Variants in KIF15 observed in about 807,000 individuals in gnomAD.
KIF15 encodes kinesin-like protein KIF15.
Under a neutral mutation model 190.6 loss-of-function variants are expected in KIF15, and 140 were observed. The ratio of observed to expected loss-of-function variants is 0.73; its 90% CI spans 0.64 to 0.84. The LOEUF is 0.84. Among genes scored for constraint, KIF15 ranks in the 40% least tolerant of loss-of-function variants. The pLI is 0.00. For synonymous variants in KIF15, 528 were observed against 551.3 expected, an observed-to-expected ratio of 0.96 and a Z score of 0.59; for missense variants, 1,372 against 1,584.4, an observed-to-expected ratio of 0.87 and a Z score of 2.28.
chr3:44,822,725 ACTTCT>A (rs1326045792), intron 20 of KIF15, among the ~76,000 whole-genome samples: 5 of 151,506 alleles, frequency 3.3e-5, no homozygotes, highest in African/African-American at 7.3e-5. Context: ...TTTTCTCTAA[ACTTCT>A]CTTCTCGCTT....
At chr3:44,800,474 C>G (rs970653179) in intron 11 of KIF15, 37 bp downstream of exon 11, 2 of 1,596,308 alleles carry the variant, frequency 1.3e-6, no homozygotes, top group Non-Finnish European at 1.7e-6. Flanking sequence ...TTGGGGAAGA[C>G]TGTACAAATA....
chr3:44,802,458 C>T (rs72875744), intron 13 of KIF15, among the ~76,000 whole-genome samples: 1,931 of 152,160 alleles, frequency 0.013, 37 homozygotes, highest in African/African-American at 0.043. Context: ...TTTTGCACTT[C>T]GCCTTTTTCA....
chr3:44,811,751 T>C (rs1397411999), intron 17 of KIF15, among the ~76,000 whole-genome samples: 2 of 152,220 alleles, frequency 1.3e-5, no homozygotes, highest in African/African-American at 4.8e-5. Flanking sequence ...TTTTATGGTT[T>C]GTTAATTTTT....
chr3:44,865,257 C>A, intron 6 of KIF15: 1 of 1,578,000 alleles, frequency 6.3e-7, no homozygotes, highest in Non-Finnish European at 8.7e-7. Context: ...GGACTGTATC[C>A]TAGGGCGATC....
chr3:44,812,223 G>A lies in KIF15; in HGVS notation c.2211G>A (p.Glu737=), dbSNP rs753532321. The A allele has an allele frequency of 9.3e-6, 15 of 1,614,108 alleles. No homozygotes were observed. Among genetic ancestry groups the A allele is most frequent in the Admixed American group, 3.3e-5 (2 of 60,002 alleles). Residue 737 remains glutamate (E), a synonymous_variant, in exon 18 of 35, where the codon GAG becomes GAA. Transcript: ENST00000326047. ...SALQAKLDEE[E]HKNLKLQQHV... is the part of the protein sequence containing the mutation. ...TTCAAGCCAAACTGGATGAAGAAGAGCATAAAAACCTAAAGCTTCAGCAGC... is the reference window on the plus strand; with the variant it reads ...TTCAAGCCAAACTGGATGAAGAAGAACATAAAAACCTAAAGCTTCAGCAGC...
chr3:44,800,187 G>A, intron 10 of KIF15, 127 bp from the exon 11 acceptor site: 3 of 798,482 alleles, frequency 3.8e-6, no homozygotes, highest in Non-Finnish European at 5.9e-6. Flanking sequence ...GTGTCCTTTT[G>A]ACTATGATGT....
chr3:44,778,675 T>C (rs146710759), intron 4 of KIF15, among the ~76,000 whole-genome samples: 1 of 152,226 alleles, frequency 6.6e-6, no homozygotes, highest in African/African-American at 2.4e-5. Context: ...TATATAACTT[T>C]TTTTTGTAAG....
intron 26 of KIF15, among the ~76,000 whole-genome samples, chr3:44,837,750 C>T (rs1199182958): frequency 1.3e-5 from 2 of 152,044 alleles, no homozygotes; most frequent in Non-Finnish European, 2.9e-5. Context: ...TGTATGCAAC[C>T]TATAGGACTT....
At chr3:44,765,353 T>C (rs145154156) in intron 1 of KIF15, among the ~76,000 whole-genome samples, 3 of 152,352 alleles carry the variant, frequency 2.0e-5, no homozygotes, top group Non-Finnish European at 4.4e-5. Flanking sequence ...GGGCTTCTTA[T>C]TGTTGTTTGC....
chr3:44,821,149 C>G (rs1486278633), intron 20 of KIF15, among the ~76,000 whole-genome samples: 1 of 148,782 alleles, frequency 6.7e-6, no homozygotes, highest in African/African-American at 2.5e-5. Context: ...CACCTCCCTC[C>G]CGGACGGGGC....
chr3:44,795,242 T>A (rs1040077873), intron 8 of KIF15, among the ~76,000 whole-genome samples: 2 of 152,092 alleles, frequency 1.3e-5, no homozygotes, highest in African/African-American at 4.8e-5. Flanking sequence ...GTTCTTGACT[T>A]GTGAAGGATT....
At chr3:44,864,702 T>C (rs981906523) in intron 6 of KIF15, among the ~76,000 whole-genome samples, 1 of 152,194 alleles carries the variant, frequency 6.6e-6, no homozygotes. Flanking sequence ...TTTTCTGCCC[T>C]GTGTAGTCTG....
At chr3:44,806,980 G>C (rs186763385) in intron 16 of KIF15, among the ~76,000 whole-genome samples, 117 of 151,812 alleles carry the variant, frequency 7.7e-4, no homozygotes, top group African/African-American at 2.7e-3. Flanking sequence ...TCATGACCTC[G>C]TGATCTGCCT....
intron 6 of KIF15, 139 bp downstream of exon 6, chr3:44,785,081 A>C (rs1706346282): frequency 4.0e-6 from 2 of 500,882 alleles, no homozygotes; most frequent in African/African-American, 2.0e-5. Context: ...ATAAAAAAAA[A>C]CCTTTCAATT....
chr3:44,791,047 A>G (rs546302472), intron 7 of KIF15, among the ~76,000 whole-genome samples: 1 of 152,142 alleles, frequency 6.6e-6, no homozygotes, highest in South Asian at 2.1e-4. Context: ...TCGTTTTTTT[A>G]ACTGCTCATG....
chr3:44,766,297 G>A (rs1705371538), intron 1 of KIF15, among the ~76,000 whole-genome samples: 1 of 152,188 alleles, frequency 6.6e-6, no homozygotes, highest in Non-Finnish European at 1.5e-5. Flanking sequence ...GTCTCTGAGT[G>A]ATACCCTTTG....
At chr3:44,861,897 G>A (rs745936787) in intron 6 of KIF15, 52 of 1,487,864 alleles carry the variant, frequency 3.5e-5, no homozygotes, top group Non-Finnish European at 4.3e-5. Context: ...GCGGGCAGCG[G>A]GTGCCAGGCA....
intron 29 of KIF15, among the ~76,000 whole-genome samples, chr3:44,841,952 C>A (rs1252484088): frequency 6.6e-6 from 1 of 152,210 alleles, no homozygotes; most frequent in Non-Finnish European, 1.5e-5. Flanking sequence ...ACAGGTTGCG[C>A]CAGCTATGCT....
intron 13 of KIF15, among the ~76,000 whole-genome samples, chr3:44,802,568 T>C (rs557556334): frequency 1.8e-4 from 27 of 152,306 alleles, no homozygotes; most frequent in African/African-American, 6.5e-4. Context: ...ATGTACACCC[T>C]TGTGCTTACC....
Sources: gnomAD v4.1 joint callset for allele counts (sites outside exome capture counted in the v4.1 genomes callset) on GRCh38, gnomAD v4.1.1 for gene constraint, MANE v1.5 for transcripts, NCBI Gene and HGNC (gene_info 2026-07-23, HGNC 2026-07-21) for gene names.